The following ELMO1 variants were observed in gnomAD, a reference collection of about 807,000 sequenced individuals.
The protein encoded by ELMO1 is engulfment and cell motility 1.
ELMO1 carries 26 observed loss-of-function variants against 98.9 expected under a neutral mutation model. The ratio of observed to expected loss-of-function variants is 0.26; its 90% CI spans 0.19 to 0.36. The LOEUF is 0.36. ELMO1 is among the 10% of genes least tolerant of loss of function. The pLI is 1.00. For synonymous variants in ELMO1, 346 were observed against 346.0 expected (o/e 1.00, Z 0.00); for missense variants, 627 against 935.2 (o/e 0.67, Z 4.30).
chr7:37,057,522 C>T (rs1016173768), intron 15 of ELMO1, among the ~76,000 whole-genome samples: 1 of 152,226 alleles, frequency 6.6e-6, no homozygotes, highest in African/African-American at 2.4e-5. Context: ...TTCTTTCATG[C>T]TTTCATGAGC....
chr7:37,317,867 T>C (rs898682385), intron 2 of ELMO1, among the ~76,000 whole-genome samples: 3 of 152,208 alleles, frequency 2.0e-5, no homozygotes, highest in Admixed American at 2.0e-4. Flanking sequence ...CTTGACGGGA[T>C]AGATACATCA....
chr7:36,923,336 T>C (rs1191809886), intron 16 of ELMO1, among the ~76,000 whole-genome samples: 1 of 152,204 alleles, frequency 6.6e-6, no homozygotes, highest in African/African-American at 2.4e-5. Flanking sequence ...ACAGTGTGTG[T>C]CAATGTTATA....
At chr7:37,356,823 A>G (rs1300366993) in intron 1 of ELMO1, among the ~76,000 whole-genome samples, 1 of 152,174 alleles carries the variant, frequency 6.6e-6, no homozygotes, top group Non-Finnish European at 1.5e-5. Context: ...AAATCCTTTA[A>G]GCATTTCTTA....
intron 5 of ELMO1, chr7:37,270,634 T>C (rs1322850727): frequency 6.6e-6 from 1 of 152,168 alleles, no homozygotes; most frequent in African/African-American, 2.4e-5. Flanking sequence ...TAGTTAAATA[T>C]GCTAATGTTA....
chr7:37,216,698 G>A lies in ELMO1; in HGVS notation c.781-3C>T, dbSNP rs1002262944. On this transcript the variant is annotated splice_polypyrimidine_tract_variant and splice_region_variant and intron_variant, in intron 10 of 21. Transcript: ENST00000310758. ...TGAGCCAAAATATTCGCCATCTCCT[G>A]TGGAAGAAAAACACACCCACACAAA... 2 of 1,613,980 alleles carry A rather than the reference G, an allele frequency of 1.2e-6. No homozygotes were observed. The highest frequency in any genetic ancestry group is 3.3e-5 in the Admixed American group (2 of 60,000).
intron 16 of ELMO1, among the ~76,000 whole-genome samples, chr7:37,007,049 C>T (rs2129167947): frequency 6.6e-6 from 1 of 151,962 alleles, no homozygotes; most frequent in East Asian, 1.9e-4. Flanking sequence ...ACATATGAAA[C>T]TCTTTGCTAC....
intron 4 of ELMO1, among the ~76,000 whole-genome samples, chr7:37,274,784 C>T (rs777413556): frequency 3.3e-5 from 5 of 152,168 alleles, no homozygotes; most frequent in Admixed American, 6.5e-5. Context: ...AACTCCTGAC[C>T]TTGTGATCTG....
intron 16 of ELMO1, among the ~76,000 whole-genome samples, chr7:36,936,482 G>A (rs984219785): frequency 1.3e-5 from 2 of 152,098 alleles, no homozygotes. Context: ...TTAGAGATGG[G>A]GGTCTCGCTC....
chr7:37,057,801 G>T (rs1407478286), intron 15 of ELMO1, among the ~76,000 whole-genome samples: 1 of 152,182 alleles, frequency 6.6e-6, no homozygotes, highest in Admixed American at 6.5e-5. Flanking sequence ...TAGAGGAGGG[G>T]AGTACTGGCA....
At chr7:36,973,574 A>C (rs545868227) in intron 16 of ELMO1, among the ~76,000 whole-genome samples, 59 of 151,912 alleles carry the variant, frequency 3.9e-4, no homozygotes, top group Non-Finnish European at 7.6e-4. Flanking sequence ...GAGAGGTGAC[A>C]GCGTGCTGGC....
At position 37,207,077 on chromosome 7, in the gene ELMO1, C is replaced by T. The variant is rs12539317; in HGVS notation, c.1086+4309G>A. ...ATTCTGAAAGGGCTCTAGCCAGGAA[C>T]ACAACACTTTGCAGAGTGTGAAAGC... On this transcript the variant is annotated intron_variant, in intron 13 of 21. Coordinates refer to ENST00000310758, the MANE Select transcript of ELMO1 (RefSeq NM_014800.11). Among the ~76,000 whole-genome samples, 707 of 152,322 alleles carry T rather than the reference C, an allele frequency of 4.6e-3. 25 individuals are homozygous for T. Among genetic ancestry groups the T allele is most frequent in the Admixed American group, 0.043 (653 of 15,302 alleles).
intron 8 of ELMO1, among the ~76,000 whole-genome samples, chr7:37,232,836 T>G (rs1015153762): frequency 6.6e-6 from 1 of 152,204 alleles, no homozygotes; most frequent in Admixed American, 6.5e-5. Flanking sequence ...AACACACTTG[T>G]GCAGTTATTA....
intron 4 of ELMO1, among the ~76,000 whole-genome samples, chr7:37,274,377 G>A (rs190326719): frequency 7.9e-5 from 12 of 152,192 alleles, no homozygotes; most frequent in African/African-American, 2.6e-4. Flanking sequence ...GGAGAACAAC[G>A]CTCAGAGTGA....
At chr7:37,364,640 C>G (rs972008486) in intron 1 of ELMO1, among the ~76,000 whole-genome samples, 1 of 150,320 alleles carries the variant, frequency 6.7e-6, no homozygotes, top group African/African-American at 2.4e-5. Flanking sequence ...AAATTCAACT[C>G]AAAACCAAAT....
At chr7:37,133,078 A>G (rs1225019194) in intron 14 of ELMO1, 52 bp downstream of exon 14, 1 of 1,449,528 alleles carries the variant, frequency 6.9e-7, no homozygotes. Flanking sequence ...TGAGTTTGAA[A>G]TTAACATTGA....
intron 13 of ELMO1, among the ~76,000 whole-genome samples, chr7:37,201,835 A>G (rs2130314823): frequency 6.6e-6 from 1 of 152,330 alleles, no homozygotes. Flanking sequence ...ATGCCTCAGA[A>G]GTTATTAGAA....
At chr7:36,979,245 A>C (rs1790844841) in intron 16 of ELMO1, among the ~76,000 whole-genome samples, 2 of 152,238 alleles carry the variant, frequency 1.3e-5, no homozygotes, top group South Asian at 4.1e-4. Context: ...CTTCTACCCA[A>C]GGGATGGAAT....
intron 4 of ELMO1, among the ~76,000 whole-genome samples, chr7:37,272,420 C>T (rs1001783416): frequency 3.9e-5 from 6 of 152,230 alleles, no homozygotes; most frequent in African/African-American, 7.2e-5. Flanking sequence ...GTAATCCCAG[C>T]ACTTTGGAAG....
intron 1 of ELMO1, among the ~76,000 whole-genome samples, chr7:37,391,682 G>A (rs1015072664): frequency 3.9e-5 from 6 of 152,180 alleles, no homozygotes; most frequent in African/African-American, 1.2e-4. Flanking sequence ...GTTGGGGGCC[G>A]ACTTGCATGC....
Sources: allele counts gnomAD v4.1 joint callset (sites outside exome capture counted in the v4.1 genomes callset), GRCh38; gene constraint gnomAD v4.1.1; transcripts MANE v1.5; gene names NCBI Gene and HGNC (gene_info 2026-07-23, HGNC 2026-07-21).